Variants in MYO1H observed in about 807,000 individuals in gnomAD.
MYO1H encodes unconventional myosin-Ih.
A neutral mutation model predicts 149.3 loss-of-function variants in MYO1H; 118 were observed. The ratio of observed to expected loss-of-function variants is 0.79; its 90% CI spans 0.68 to 0.92. MYO1H has a LOEUF of 0.92. Among genes scored for constraint, MYO1H ranks in the 40% least tolerant of loss-of-function variants. The pLI, the probability that MYO1H is intolerant of heterozygous loss-of-function variation, is 0.00. For missense variants in MYO1H, 1,212 were observed against 1,280.7 expected (o/e 0.95, Z 0.82); for synonymous variants, 447 against 465.2 (o/e 0.96, Z 0.50).
intron 16 of MYO1H, among the ~76,000 whole-genome samples, chr12:109,424,100 C>T (rs548482597): frequency 6.6e-6 from 1 of 152,322 alleles, no homozygotes; most frequent in African/African-American, 2.4e-5. Flanking sequence ...ACAATAATAG[C>T]ACACTGTATG....
the MYO1H span, among the ~76,000 whole-genome samples, chr12:109,315,649 G>A: frequency 1.6e-4 from 24 of 152,222 alleles, no homozygotes; most frequent in Non-Finnish European, 3.4e-4. Flanking sequence ...TATCAGCTGG[G>A]ACCAAGTGCA....
At chr12:109,326,407 T>C in the MYO1H span, among the ~76,000 whole-genome samples, 2 of 152,206 alleles carry the variant, frequency 1.3e-5, no homozygotes, top group African/African-American at 2.4e-5. Context: ...TCATCCATGC[T>C]ACCCCACATT....
At chr12:109,357,813 A>C (rs1184753936) in intron 1 of MYO1H, among the ~76,000 whole-genome samples, 2 of 100,220 alleles carry the variant, frequency 2.0e-5, no homozygotes, top group Non-Finnish European at 4.0e-5. Flanking sequence ...TCTCCCAACC[A>C]TTTCTCATGC....
chr12:109,375,830 T>A (rs1158319569), intron 1 of MYO1H, among the ~76,000 whole-genome samples: 2 of 152,042 alleles, frequency 1.3e-5, no homozygotes, highest in East Asian at 3.9e-4. Flanking sequence ...AATACAAAAA[T>A]TAGCAGGGTG....
rs2135561513 is a variant in MYO1H, at chr12:109,411,768, A to C, written c.1411-126A>C. 9.6e-6 allele frequency: 6 copies of C among 622,450 alleles called. No individual in the cohort carries two copies. The South Asian group carries it at 1.3e-4, about 14-fold the overall frequency. The allele number at this position is 622,450 out of a possible 1,614,324, so 38.6% of individuals were successfully genotyped here. ...AGCCCTTCTTCCCCCCAGAATGTTCACCTGCACTTACATGAATTGACAGTC... is the reference window on the plus strand; with the variant it reads ...AGCCCTTCTTCCCCCCAGAATGTTCCCCTGCACTTACATGAATTGACAGTC... On this transcript the variant is annotated intron_variant, in intron 13 of 31. Coordinates refer to ENST00000310903, the Ensembl canonical transcript of MYO1H.
chr12:109,363,443 G>A (rs1317830691), intron 1 of MYO1H, among the ~76,000 whole-genome samples: 2 of 152,220 alleles, frequency 1.3e-5, no homozygotes, highest in Non-Finnish European at 2.9e-5. Context: ...GCCGGGCGCG[G>A]TGGCTCACGC....
chr12:109,425,915 G>GTTCTCTCTCTCT (rs748008852), intron 17 of MYO1H, 31 bp from the exon 18 acceptor site: 1 of 1,357,200 alleles, frequency 7.4e-7, no homozygotes, highest in Non-Finnish European at 1.0e-6. Flanking sequence ...TCTCTGGCTC[G>GTTCTCTCTCTCT]TTCTCTCTCT....
the MYO1H span, among the ~76,000 whole-genome samples, chr12:109,338,036 G>T: frequency 5.9e-5 from 9 of 152,132 alleles, no homozygotes; most frequent in Non-Finnish European, 1.3e-4. Context: ...AAAAAAAAGG[G>T]GAAATGTCTC....
At position 109,393,905 on chromosome 12, in the gene MYO1H, G is replaced by T. The variant is rs116421199; in HGVS notation, c.290+459G>T. ...GTGTGGCTGGAGAGATGTCTTCTCCGGGAAGAGGGTTGCTATAGTGCCATC... is the reference window on the plus strand; with the variant it reads ...GTGTGGCTGGAGAGATGTCTTCTCCTGGAAGAGGGTTGCTATAGTGCCATC... On this transcript the variant is annotated intron_variant, in intron 3 of 31. Transcript: ENST00000310903. 1.7e-3 allele frequency among the ~76,000 whole-genome samples: 255 copies of T among 149,772 alleles called. 1 individual carries two copies. Among genetic ancestry groups the T allele is most frequent in the African/African-American group, 6.1e-3 (237 of 39,162 alleles).
At chr12:109,405,887 G>C in intron 7 of MYO1H, 35 bp from the exon 8 acceptor site, 1 of 1,466,960 alleles carries the variant, frequency 6.8e-7, no homozygotes, top group Non-Finnish European at 9.6e-7. Context: ...TCCCTGTCCT[G>C]ATCTCCTGTC....
Position 109,397,829 on chromosome 12 carries a change from A to C in MYO1H, c.570+17A>C, listed in dbSNP as rs1430160787. On this transcript the variant is annotated intron_variant, in intron 5 of 31. Coordinates refer to ENST00000310903, the Ensembl canonical transcript of MYO1H. ...GATTTTCAGGTACACTGAAGCTCCT[A>C]TTACTGGTTCATGGGGACCCCTTAT... is the stretch of plus-strand genomic sequence containing the variant. 2 of 1,588,274 alleles carry C rather than the reference A, an allele frequency of 1.3e-6. No individual in the cohort carries two copies. The highest frequency in any genetic ancestry group is 3.5e-5 in the Admixed American group (2 of 57,028).
At chr12:109,368,663 G>T (rs542456186) in intron 1 of MYO1H, among the ~76,000 whole-genome samples, 6 of 124,872 alleles carry the variant, frequency 4.8e-5, no homozygotes, top group Admixed American at 1.7e-4. Context: ...AAAAAAAAGG[G>T]TTCTTGCTGA....
At chr12:109,359,036 G>A (rs1273604931) in intron 1 of MYO1H, among the ~76,000 whole-genome samples, 6 of 152,000 alleles carry the variant, frequency 3.9e-5, no homozygotes, top group African/African-American at 1.5e-4. Context: ...TCAAACTCTT[G>A]TTAGCAAAGA....
intron 27 of MYO1H, among the ~76,000 whole-genome samples, chr12:109,442,795 CTTTTTTTTTTTTTT>C (rs747073389): frequency 2.1e-5 from 2 of 94,014 alleles, no homozygotes; most frequent in African/African-American, 4.0e-5. Flanking sequence ...AGTGTCTGCT[CTTTTTTTTTTTTTT>C]TTTTTTTTTG....
At chr12:109,406,825 C>T in exon 9 of MYO1H, 1 of 1,613,828 alleles carries the variant, frequency 6.2e-7, no homozygotes, top group Non-Finnish European at 8.5e-7. Flanking sequence ...TCTGGAAGCT[C>T]TCACCCACAG....
chr12:109,401,644 C>T (rs1870164025), intron 6 of MYO1H, among the ~76,000 whole-genome samples: 2 of 152,152 alleles, frequency 1.3e-5, no homozygotes, highest in Admixed American at 6.6e-5. Context: ...ATTTAGCGTA[C>T]AGCCAAAGTG....
rs1872377753 is a variant in MYO1H, at chr12:109,444,246, T to TA, written c.2859dup (p.Val954SerfsTer24). On this transcript the variant is annotated frameshift_variant, in exon 29 of 32. Transcript: ENST00000310903. LOFTEE classifies it high-confidence loss of function. ...ACTAGCAATCTGAGTGATGGAATCTTAGTCATTCATGTTTCACCAGAGGAC... is the reference window on the plus strand; with the variant it reads ...ACTAGCAATCTGAGTGATGGAATCTTAAGTCATTCATGTTTCACCAGAGGAC... The TA allele has an allele frequency of 2.5e-6, 4 of 1,613,820 alleles. No individual in the cohort carries two copies. The highest frequency in any genetic ancestry group is 2.2e-5 in the South Asian group (2 of 91,076).
At chr12:109,445,562 A>C in exon 31 of MYO1H, 1 of 1,613,022 alleles carries the variant, frequency 6.2e-7, no homozygotes, top group Non-Finnish European at 8.5e-7. Flanking sequence ...AGTTTTCGAC[A>C]CTGGACTGGA....
At chr12:109,380,011 A>C (rs1869169755) in intron 1 of MYO1H, among the ~76,000 whole-genome samples, 1 of 152,004 alleles carries the variant, frequency 6.6e-6, no homozygotes, top group East Asian at 1.9e-4. Context: ...GATTACAGGC[A>C]TAAGCCACCA....
Sources: allele counts gnomAD v4.1 joint callset (sites outside exome capture counted in the v4.1 genomes callset), GRCh38; gene constraint gnomAD v4.1.1; transcripts MANE v1.5; gene names NCBI Gene and HGNC (gene_info 2026-07-23, HGNC 2026-07-21).